KCNAB1: variants seen among roughly 807,000 people sequenced by gnomAD.
The protein encoded by KCNAB1 is potassium voltage-gated channel subfamily A regulatory beta subunit 1, also known as voltage-gated potassium channel subunit beta-1.
A neutral mutation model predicts 64.6 loss-of-function variants in KCNAB1; 35 were observed. The observed-to-expected ratio is 0.54, with a 90% CI of 0.41 to 0.72. KCNAB1 has a LOEUF of 0.72. KCNAB1 is among the 30% of genes least tolerant of loss of function. The pLI is 0.00. For missense variants in KCNAB1, 401 were observed against 512.9 expected, an observed-to-expected ratio of 0.78 and a Z score of 2.11; for synonymous variants, 177 against 183.8, an observed-to-expected ratio of 0.96 and a Z score of 0.30.
At chr3:156,473,851 G>A (rs1048829065) in intron 7 of KCNAB1, among the ~76,000 whole-genome samples, 1 of 152,126 alleles carries the variant, frequency 6.6e-6, no homozygotes, top group South Asian at 2.1e-4. Flanking sequence ...TAAATGCTGT[G>A]CCCCATGGAA....
intron 11 of KCNAB1, among the ~76,000 whole-genome samples, chr3:156,522,308 T>A (rs1459131817): frequency 2.0e-5 from 3 of 152,074 alleles, no homozygotes; most frequent in African/African-American, 7.2e-5. Context: ...GGATTGGTGA[T>A]GTTTTTCCCA....
intron 1 of KCNAB1, among the ~76,000 whole-genome samples, chr3:156,398,561 C>T (rs561238538): frequency 4.1e-5 from 6 of 146,204 alleles, no homozygotes; most frequent in African/African-American, 8.0e-5. Flanking sequence ...CCACTGCACT[C>T]CAACCTGGGC....
At chr3:156,283,770 C>G (rs1719897200) in intron 1 of KCNAB1, among the ~76,000 whole-genome samples, 1 of 152,132 alleles carries the variant, frequency 6.6e-6, no homozygotes, top group South Asian at 2.1e-4. Context: ...GCTCCTGAGG[C>G]TTCTGCATTC....
chr3:156,208,515 C>T (rs1290926877), intron 1 of KCNAB1, among the ~76,000 whole-genome samples: 1 of 152,082 alleles, frequency 6.6e-6, no homozygotes, highest in East Asian at 1.9e-4. Context: ...CCAAATGACC[C>T]CTCTGAGTCA....
chr3:156,238,351 G>A (rs1377109687), intron 1 of KCNAB1, among the ~76,000 whole-genome samples: 5 of 151,146 alleles, frequency 3.3e-5, no homozygotes, highest in Non-Finnish European at 4.4e-5. Context: ...GAACCCGGGA[G>A]GCGGAACTTG....
chr3:156,370,115 C>A (rs555813481), intron 1 of KCNAB1, among the ~76,000 whole-genome samples: 4 of 152,292 alleles, frequency 2.6e-5, no homozygotes, highest in African/African-American at 9.6e-5. Flanking sequence ...CTAAAATTCT[C>A]CCTCTTGTGT....
chr3:156,318,601 C>G (rs898525775), intron 1 of KCNAB1, among the ~76,000 whole-genome samples: 6 of 152,052 alleles, frequency 3.9e-5, no homozygotes. Flanking sequence ...CCTATAAGAG[C>G]GTATGGCACA....
chr3:156,408,020 TCA>T (rs1714369275), intron 1 of KCNAB1, among the ~76,000 whole-genome samples: 1 of 151,714 alleles, frequency 6.6e-6, no homozygotes, highest in South Asian at 2.1e-4. Context: ...ATGGCATCAA[TCA>T]CAGAGAGATT....
At chr3:156,441,970 T>C (rs1717037557) in intron 2 of KCNAB1, among the ~76,000 whole-genome samples, 2 of 151,890 alleles carry the variant, frequency 1.3e-5, no homozygotes, top group Admixed American at 6.6e-5. Context: ...TTAAATAAAT[T>C]TTGCTTCTGA....
At chr3:156,239,252 G>A (rs1352372306) in intron 1 of KCNAB1, among the ~76,000 whole-genome samples, 1 of 152,138 alleles carries the variant, frequency 6.6e-6, no homozygotes, top group Non-Finnish European at 1.5e-5. Flanking sequence ...TCTTTCTTGG[G>A]TATTTTGTGG....
chr3:156,123,290 C>A (rs553064930), intron 1 of KCNAB1, among the ~76,000 whole-genome samples: 1 of 152,256 alleles, frequency 6.6e-6, no homozygotes, highest in East Asian at 1.9e-4. Flanking sequence ...TTCTGTGGGT[C>A]TTTGGTTAAT....
chr3:156,355,706 C>G (rs1372316349), intron 1 of KCNAB1, among the ~76,000 whole-genome samples: 1 of 152,160 alleles, frequency 6.6e-6, no homozygotes, highest in Non-Finnish European at 1.5e-5. Context: ...TTCTAATACT[C>G]AACTGCAGCC....
intron 7 of KCNAB1, among the ~76,000 whole-genome samples, chr3:156,470,265 C>A (rs553751717): frequency 6.5e-4 from 99 of 152,332 alleles, no homozygotes; most frequent in Non-Finnish European, 1.1e-3. Context: ...ATCACAAAGT[C>A]CCCTCAGGTT....
At chr3:156,217,220 G>A (rs1193920344) in intron 1 of KCNAB1, among the ~76,000 whole-genome samples, 3 of 152,212 alleles carry the variant, frequency 2.0e-5, no homozygotes, top group Non-Finnish European at 4.4e-5. Context: ...ATGTGCATCT[G>A]GTTCCAGTTC....
rs963936330 is a variant in KCNAB1 at position 156,120,581 on chromosome 3, G to T, written c.-31G>T. On this transcript the variant is annotated 5_prime_UTR_variant, in exon 1 of 14. Coordinates refer to ENST00000490337, the MANE Select transcript of KCNAB1 (RefSeq NM_172160.3). The stretch of plus-strand genomic sequence containing the variant: ...CAATTCAGATTACTTTGATGACAGT[G>T]ACTTCCAGTCTTCTCTGAAAGATCT... The T allele has an allele frequency of 3.1e-6, 5 of 1,611,724 alleles. No individual in the cohort carries two copies. Among genetic ancestry groups the T allele is most frequent in the African/African-American group, 2.7e-5 (2 of 74,754 alleles).
At chr3:156,161,024 C>G (rs572328170) in intron 1 of KCNAB1, among the ~76,000 whole-genome samples, 1 of 152,340 alleles carries the variant, frequency 6.6e-6, no homozygotes, top group Admixed American at 6.5e-5. Flanking sequence ...AAGGAAATCT[C>G]AGAGAGAGCC....
chr3:156,502,886 G>A (rs1294416722), intron 8 of KCNAB1, among the ~76,000 whole-genome samples: 1 of 152,128 alleles, frequency 6.6e-6, no homozygotes, highest in Admixed American at 6.5e-5. Flanking sequence ...TGTAATTTCA[G>A]TTCACTTAGG....
intron 8 of KCNAB1, among the ~76,000 whole-genome samples, chr3:156,511,757 CAG>C (rs1717230486): frequency 1.3e-5 from 2 of 152,244 alleles, no homozygotes; most frequent in Admixed American, 6.5e-5. Flanking sequence ...CTCCACAGCA[CAG>C]AGACTGTTCT....
intron 1 of KCNAB1, among the ~76,000 whole-genome samples, chr3:156,238,544 C>G (rs2108445511): frequency 6.6e-6 from 1 of 152,066 alleles, no homozygotes; most frequent in Admixed American, 6.5e-5. Context: ...AATCTCAGAT[C>G]CAAAATGAGA....
Sources: allele counts gnomAD v4.1 joint callset (sites outside exome capture counted in the v4.1 genomes callset), GRCh38; gene constraint gnomAD v4.1.1; transcripts MANE v1.5; gene names NCBI Gene and HGNC (gene_info 2026-07-23, HGNC 2026-07-21).